DEK: variants seen among roughly 807,000 people sequenced by gnomAD.
DEK encodes the protein DEK proto-oncogene.
A neutral mutation model predicts 46.8 loss-of-function variants in DEK; 28 were observed. That is an observed-to-expected ratio of 0.60 (90% CI 0.44 to 0.82). The LOEUF is 0.82. Ranked by LOEUF, DEK falls within the 40% of genes least tolerant of loss-of-function variation. DEK has a pLI of 0.00. For missense variants in DEK, 416 were observed against 430.6 expected, an observed-to-expected ratio of 0.97 and a Z score of 0.30; for synonymous variants, 160 against 144.5, an observed-to-expected ratio of 1.11 and a Z score of -0.77.
rs575095261 is a variant in DEK at position 18,245,552 on chromosome 6, A to T, written c.762+4099T>A. On this transcript the variant is annotated intron_variant, in intron 7 of 10. Coordinates refer to ENST00000652689, the MANE Select transcript of DEK (RefSeq NM_003472.4). ...GTATGCGCTATAAAAACACTAGAAA[A>T]TAAAAATTGAAGACAGAGGTATTAG... Among the ~76,000 whole-genome samples, 3 of 152,376 alleles carry T rather than the reference A, an allele frequency of 2.0e-5. No homozygotes were observed. The South Asian group carries it at 6.2e-4, about 32-fold the overall frequency.
chr6:18,256,916 G>A (rs1012357608), intron 4 of DEK, among the ~76,000 whole-genome samples: 10 of 152,076 alleles, frequency 6.6e-5, no homozygotes, highest in Non-Finnish European at 1.2e-4. Flanking sequence ...ACTAGTTATG[G>A]GACTTGTGTA....
chr6:18,237,208 T>G (rs1790693096), intron 8 of DEK, 173 bp downstream of exon 8: 1 of 685,698 alleles, frequency 1.5e-6, no homozygotes, highest in Non-Finnish European at 2.2e-6. Flanking sequence ...TTGCAAAATC[T>G]GAATCACTTC....
chr6:18,233,470 T>C (rs1304846609), intron 9 of DEK, among the ~76,000 whole-genome samples: 1 of 152,200 alleles, frequency 6.6e-6, no homozygotes, highest in Admixed American at 6.5e-5. Context: ...AGGGCTAATA[T>C]TCAGAATCTA....
intron 9 of DEK, among the ~76,000 whole-genome samples, chr6:18,232,606 C>T (rs1364550857): frequency 6.6e-6 from 1 of 152,080 alleles, no homozygotes; most frequent in African/African-American, 2.4e-5. Flanking sequence ...AATTCCCATT[C>T]ACAATTGCTT....
At chr6:18,239,986 T>C (rs1011756727) in intron 7 of DEK, among the ~76,000 whole-genome samples, 1 of 152,182 alleles carries the variant, frequency 6.6e-6, no homozygotes, top group African/African-American at 2.4e-5. Context: ...ACTGAAAGGG[T>C]TGAAGGTTGA....
chr6:18,224,485 A>T lies in DEK; in HGVS notation c.*1234T>A, dbSNP rs1717809762. 1 of 200,604 alleles carries T rather than the reference A, an allele frequency of 5.0e-6. No individual in the cohort carries two copies. Among genetic ancestry groups the T allele is most frequent in the Non-Finnish European group, 1.0e-5 (1 of 97,260 alleles). The allele number at this position is 200,604 out of a possible 1,614,324, so 12.4% of individuals were successfully genotyped here. On this transcript the variant is annotated 3_prime_UTR_variant, in exon 11 of 11. Transcript: ENST00000652689. ...TTAATAAACTGATTTAAGACAGTAA[A>T]TTTGAAAGACAAAATTAAGTCTCAT...
chr6:18,225,432 A>G lies in DEK; in HGVS notation c.*287T>C. 2.8e-6 allele frequency: 1 copy of G among 361,138 alleles called. No individual in the cohort carries two copies. Among genetic ancestry groups the G allele is most frequent in the Non-Finnish European group, 5.0e-6 (1 of 200,034 alleles). 22.4% of individuals were successfully genotyped at this position (361,138 alleles called of 1,614,324 possible). On this transcript the variant is annotated 3_prime_UTR_variant, in exon 11 of 11. Coordinates refer to ENST00000652689, the MANE Select transcript of DEK (RefSeq NM_003472.4). ...GTGCACTAAAAACCACAACAGCTCAAGAATCTATGACCTTATATAAAGAAA... is the reference window on the plus strand; with the variant it reads ...GTGCACTAAAAACCACAACAGCTCAGGAATCTATGACCTTATATAAAGAAA...
intron 9 of DEK, among the ~76,000 whole-genome samples, chr6:18,233,760 A>AG: frequency 6.7e-6 from 1 of 148,514 alleles, no homozygotes. Flanking sequence ...GACTTTAACT[A>AG]GTTCAACCAT....
At chr6:18,231,547 C>T (rs1790414717) in intron 9 of DEK, among the ~76,000 whole-genome samples, 1 of 152,054 alleles carries the variant, frequency 6.6e-6, no homozygotes, top group Admixed American at 6.6e-5. Context: ...ACCACCGATC[C>T]CACAGAAATA....
At chr6:18,228,275 A>C (rs1208056619) in intron 9 of DEK, among the ~76,000 whole-genome samples, 1 of 152,182 alleles carries the variant, frequency 6.6e-6, no homozygotes, top group Non-Finnish European at 1.5e-5. Flanking sequence ...TATTACAATA[A>C]AATTTTGCTT....
In DEK at chr6:18,243,328, T is replaced by TC. The variant is rs546243914; in HGVS notation, c.763-5813_763-5812insG. On this transcript the variant is annotated intron_variant, in intron 7 of 10. Transcript: ENST00000652689. The stretch of plus-strand genomic sequence containing the variant: ...GAAGACCAGAGGACGTGTCTCATTT[T>TC]TTTTTTCTCCCACTTAGTAAAATGC... 3.4e-4 allele frequency among the ~76,000 whole-genome samples: 51 copies of TC among 151,976 alleles called. No individual in the cohort carries two copies. In the South Asian group the frequency reaches 0.01, roughly 31 times the overall value.
intron 2 of DEK, among the ~76,000 whole-genome samples, chr6:18,259,979 T>A (rs1791781962): frequency 6.6e-6 from 1 of 152,196 alleles, no homozygotes; most frequent in Non-Finnish European, 1.5e-5. Flanking sequence ...TGTCTCTGAT[T>A]ACTAACTACA....
intron 6 of DEK, among the ~76,000 whole-genome samples, chr6:18,251,932 T>C (rs79883693): frequency 6.7e-6 from 1 of 149,694 alleles, no homozygotes; most frequent in Non-Finnish European, 1.5e-5. Flanking sequence ...AAAAAAAAAA[T>C]GCAATTCCCA....
At chr6:18,236,680 TCAA>T (rs1790664125) in intron 8 of DEK, 80 bp from the exon 9 acceptor site, 3 of 1,058,624 alleles carry the variant, frequency 2.8e-6, no homozygotes, top group Non-Finnish European at 3.8e-6. Context: ...TTTTAAGCTT[TCAA>T]CAGATTCTCA....
Position 18,257,976 on chromosome 6 carries a change from G to C in DEK, c.334C>G (p.Leu112Val), listed in dbSNP as rs1265112120. ...ACAGTGCCTGGCCTGTTGTAAAGCA[G>C]TTTGTGTAGATTTCTAAGTTCATCG... Reference protein sequence around the residue: ...KTDELRNLHKLLYNRPGTVSS... With the variant: ...KTDELRNLHKVLYNRPGTVSS... The change falls in exon 4 of 11, where the codon CTG becomes GTG. Residue 112 changes from leucine (L) to valine (V), a missense_variant. By Grantham distance (32) the Leu-to-Val change is conservative. Transcript: ENST00000652689. 17 of 1,609,576 alleles carry C rather than the reference G, an allele frequency of 1.1e-5. No homozygotes were observed. Among genetic ancestry groups the C allele is most frequent in the Non-Finnish European group, 1.4e-5 (16 of 1,178,700 alleles).
At chr6:18,229,858 A>G (rs1790328259) in intron 9 of DEK, among the ~76,000 whole-genome samples, 1 of 152,168 alleles carries the variant, frequency 6.6e-6, no homozygotes, top group African/African-American at 2.4e-5. Context: ...CCAACATTCA[A>G]ATTCAGGAAA....
At position 18,258,346 on chromosome 6, in the gene DEK, G is replaced by C. The variant is rs1680731985; in HGVS notation, c.205C>G (p.Gln69Glu). ...EKKKVERLTM[Q>E]VSSLQREPFT... ...GGCTCTCTCTGTAAGGAAGAGACTT[G>C]CATTGTCAACCTCTCTACTTTTTTC... Residue 69 changes from glutamine (Q) to glutamate (E), a missense_variant, in exon 3 of 11, where the codon CAA (glutamine) becomes GAA (glutamate). By Grantham distance (29) the Gln-to-Glu change is conservative. Coordinates refer to ENST00000652689, the MANE Select transcript of DEK (RefSeq NM_003472.4). The C allele has an allele frequency of 1.2e-6, 2 of 1,613,506 alleles. No homozygotes were observed. The highest frequency in any genetic ancestry group is 2.7e-5 in the African/African-American group (2 of 75,034).
At chr6:18,236,191 T>C (rs1162327252) in intron 9 of DEK, among the ~76,000 whole-genome samples, 1 of 152,202 alleles carries the variant, frequency 6.6e-6, no homozygotes, top group Non-Finnish European at 1.5e-5. Flanking sequence ...AAGTTTCCTA[T>C]GTGGTTTGGA....
intron 7 of DEK, among the ~76,000 whole-genome samples, chr6:18,240,900 G>A (rs1423006937): frequency 2.0e-5 from 3 of 152,076 alleles, no homozygotes; most frequent in Admixed American, 6.6e-5. Flanking sequence ...ATGATATATC[G>A]CACTTACTTC....
Sources: gnomAD v4.1 joint callset for allele counts (sites outside exome capture counted in the v4.1 genomes callset) on GRCh38, gnomAD v4.1.1 for gene constraint, MANE v1.5 for transcripts, NCBI Gene and HGNC (gene_info 2026-07-23, HGNC 2026-07-21) for gene names.